The following KCNMA1 variants were observed in gnomAD, a reference collection of about 807,000 sequenced individuals.
KCNMA1 encodes the protein potassium calcium-activated channel subfamily M alpha 1, also known as Calcium-activated potassium channel subunit alpha-1.
In KCNMA1, 29 loss-of-function variants were observed where a neutral mutation model predicts 140.0. The observed-to-expected ratio is 0.21, with a 90% CI of 0.15 to 0.28. KCNMA1 has a LOEUF of 0.28. Ranked by LOEUF, KCNMA1 falls within the 10% of genes least tolerant of loss-of-function variation. The probability of loss-of-function intolerance (pLI) is 1.00; values close to 1 mark genes in which losing one functional copy is unlikely to be tolerated. For synonymous variants in KCNMA1, 612 were observed against 611.9 expected (o/e 1.00, Z 0.00); for missense variants, 880 against 1,602.2 (o/e 0.55, Z 7.70).
chr10:77,608,656 C>T (rs937361341), intron 1 of KCNMA1, among the ~76,000 whole-genome samples: 2 of 152,166 alleles, frequency 1.3e-5, no homozygotes, highest in African/African-American at 4.8e-5. Context: ...TTGCTCAGAC[C>T]TCTGAGGGCA....
rs2097234301 is a variant in KCNMA1, at chr10:77,108,103, TG to T, written c.1223+377del. Among the ~76,000 whole-genome samples the T allele has an allele frequency of 6.6e-6, 1 of 152,166 alleles. No individual in the cohort carries two copies. The highest frequency in any genetic ancestry group is 1.5e-5 in the Non-Finnish European group (1 of 68,028). ...CATTACATCTCTTGGAATTTGTGAA[TG>T]GGAGTTGGTCCAAGCGTGGCAACGT... On this transcript the variant is annotated intron_variant, in intron 9 of 27. Coordinates refer to ENST00000286628, the MANE Select transcript of KCNMA1 (RefSeq NM_001161352.2). This position sits in a 1 kb window ranked among gnomAD's most constrained non-coding sequence, Gnocchi z 4.6.
intron 25 of KCNMA1, among the ~76,000 whole-genome samples, chr10:76,892,776 T>G (rs1039231527): frequency 2.6e-5 from 4 of 152,142 alleles, no homozygotes; most frequent in African/African-American, 4.8e-5. Flanking sequence ...GGACTTTGAT[T>G]TTTCTCGTCT....
At chr10:77,012,487 T>A (rs1325591092) in intron 17 of KCNMA1, 1 of 1,550,152 alleles carries the variant, frequency 6.5e-7, no homozygotes, top group Non-Finnish European at 8.7e-7. Context: ...CTCAGTCAAA[T>A]AAAAATATCA....
At position 77,601,878 on chromosome 10, in the gene KCNMA1, G is replaced by A. The variant is rs562098471; in HGVS notation, c.378+35387C>T. Reference sequence around the variant, plus strand: ...AGCCAAAGCAGGTGGCGCAGACTCTGCTAATGATCAGATCCAGGCAGTACA... The same window carrying A: ...AGCCAAAGCAGGTGGCGCAGACTCTACTAATGATCAGATCCAGGCAGTACA... On this transcript the variant is annotated intron_variant, in intron 1 of 27. Transcript: ENST00000286628. 2.6e-5 allele frequency among the ~76,000 whole-genome samples: 4 copies of A among 152,302 alleles called. No homozygotes were observed. The South Asian group carries it at 8.3e-4, about 32-fold the overall frequency.
intron 3 of KCNMA1, among the ~76,000 whole-genome samples, chr10:77,222,334 A>T (rs575877284): frequency 6.6e-6 from 1 of 152,202 alleles, no homozygotes; most frequent in East Asian, 1.9e-4. Flanking sequence ...TGACATGCCC[A>T]ATCTGATTTA....
intron 1 of KCNMA1, among the ~76,000 whole-genome samples, chr10:77,434,672 T>C (rs2097219828): frequency 6.6e-6 from 1 of 152,122 alleles, no homozygotes; most frequent in Non-Finnish European, 1.5e-5. Context: ...TACGTCCAAG[T>C]GCCGGTGTCG....
intron 1 of KCNMA1, among the ~76,000 whole-genome samples, chr10:77,474,722 TGA>T (rs2098241269): frequency 6.6e-6 from 1 of 152,016 alleles, no homozygotes; most frequent in Non-Finnish European, 1.5e-5. Flanking sequence ...TATGACTCCC[TGA>T]GAGAATGTAA....
chr10:77,272,624 A>T (rs1271765706), intron 2 of KCNMA1, among the ~76,000 whole-genome samples: 5 of 138,634 alleles, frequency 3.6e-5, no homozygotes, highest in Admixed American at 2.2e-4. Flanking sequence ...AATAATTTTT[A>T]AAATGAAGTA....
intron 3 of KCNMA1, among the ~76,000 whole-genome samples, chr10:77,215,206 C>T (rs1006136824): frequency 3.7e-4 from 56 of 152,076 alleles, no homozygotes; most frequent in African/African-American, 1.3e-3. Flanking sequence ...ACCCTGATTC[C>T]TCCTTCCATT....
chr10:77,403,359 C>A (rs1467087175), intron 2 of KCNMA1, among the ~76,000 whole-genome samples: 2 of 151,930 alleles, frequency 1.3e-5, no homozygotes, highest in African/African-American at 4.8e-5. Flanking sequence ...TGACTGATTT[C>A]TACCGTGCAC....
intron 4 of KCNMA1, among the ~76,000 whole-genome samples, chr10:77,184,090 A>ACACACACACACAC (rs1565063139): frequency 6.6e-6 from 1 of 151,836 alleles, no homozygotes; most frequent in Non-Finnish European, 1.5e-5. Flanking sequence ...ACACACACAC[A>ACACACACACACAC]AAATTCCATC....
At chr10:77,220,653 C>T (rs1283154990) in intron 3 of KCNMA1, among the ~76,000 whole-genome samples, 1 of 152,130 alleles carries the variant, frequency 6.6e-6, no homozygotes, top group Middle Eastern at 3.2e-3. Context: ...TTTAGTAGCC[C>T]TCTCTTCCTT....
At chr10:77,392,325 C>A (rs566039280) in intron 2 of KCNMA1, among the ~76,000 whole-genome samples, 1 of 150,468 alleles carries the variant, frequency 6.6e-6, no homozygotes, top group South Asian at 2.1e-4. Context: ...GGGAGGGAGG[C>A]AGGGAGGGAA....
chr10:77,031,694 G>A (rs1301413194), intron 15 of KCNMA1, among the ~76,000 whole-genome samples: 1 of 152,224 alleles, frequency 6.6e-6, no homozygotes, highest in Non-Finnish European at 1.5e-5. Context: ...GCCTCTGTTG[G>A]AGGTGTCCAT....
intron 19 of KCNMA1, among the ~76,000 whole-genome samples, chr10:76,996,608 CAGAG>C (rs141376685): frequency 1.3e-5 from 2 of 150,240 alleles, no homozygotes; most frequent in East Asian, 3.9e-4. Flanking sequence ...GATATTGACA[CAGAG>C]AGAGAGAGAG....
At chr10:77,365,747 C>T (rs1690991121) in intron 2 of KCNMA1, among the ~76,000 whole-genome samples, 1 of 152,154 alleles carries the variant, frequency 6.6e-6, no homozygotes, top group South Asian at 2.1e-4. Flanking sequence ...TTCTGAGAAC[C>T]GATTTCCTGT....
intron 1 of KCNMA1, among the ~76,000 whole-genome samples, chr10:77,413,537 T>G (rs988679095): frequency 6.6e-6 from 1 of 151,034 alleles, no homozygotes; most frequent in Admixed American, 6.6e-5. Context: ...CCAGCTGGGG[T>G]TTTCATGGCA....
At chr10:77,216,307 C>G (rs2047770080) in intron 3 of KCNMA1, among the ~76,000 whole-genome samples, 1 of 151,792 alleles carries the variant, frequency 6.6e-6, no homozygotes, top group African/African-American at 2.4e-5. Context: ...CTAGAAACCA[C>G]TTTAAATGAG....
chr10:77,153,857 G>A (rs2098452919), intron 5 of KCNMA1, among the ~76,000 whole-genome samples: 1 of 152,144 alleles, frequency 6.6e-6, no homozygotes, highest in Non-Finnish European at 1.5e-5. Context: ...TCTCTCAGAG[G>A]CAGCATTACC....
Sources: gnomAD v4.1 joint callset for allele counts (sites outside exome capture counted in the v4.1 genomes callset) on GRCh38, gnomAD v4.1.1 for gene constraint, Gnocchi (gnomAD v3.1) non-coding constraint, MANE v1.5 for transcripts, NCBI Gene and HGNC (gene_info 2026-07-23, HGNC 2026-07-21) for gene names.